Variants in PLA2G7 observed in about 807,000 individuals in gnomAD.
PLA2G7 encodes platelet-activating factor acetylhydrolase.
PLA2G7 carries 63 observed loss-of-function variants against 49.6 expected under a neutral mutation model. The observed-to-expected ratio is 1.27, with a 90% CI of 1.04 to 1.57. The LOEUF is 1.57. Ranked by LOEUF, PLA2G7 falls within the 40% of genes most tolerant of loss-of-function variation. PLA2G7 has a pLI of 0.00. For missense variants in PLA2G7, 596 were observed against 521.2 expected (o/e 1.14, Z -1.40); for synonymous variants, 193 against 169.9 (o/e 1.14, Z -1.06).
intron 7 of PLA2G7, among the ~76,000 whole-genome samples, chr6:46,710,961 C>T (rs1765000185): frequency 6.6e-6 from 1 of 152,116 alleles, no homozygotes; most frequent in Non-Finnish European, 1.5e-5. Flanking sequence ...TGGACTCAAA[C>T]ATAATAACAC....
intron 1 of PLA2G7, among the ~76,000 whole-genome samples, chr6:46,734,750 G>A (rs938476906): frequency 6.6e-6 from 1 of 151,874 alleles, no homozygotes; most frequent in Non-Finnish European, 1.5e-5. Flanking sequence ...TTGAACCCGG[G>A]AGACAGAGGT....
rs144094806 is a variant in PLA2G7, at chr6:46,727,277, G to A, written c.-34-4352C>T. On this transcript the variant is annotated intron_variant, in intron 1 of 11. Transcript: ENST00000274793. ...CTCATCAGGCATCATTTCCCTTTTC[G>A]AAACAAAAGACAACCCAAAACAATA... Among the ~76,000 whole-genome samples, 17 of 152,102 alleles carry A rather than the reference G, an allele frequency of 1.1e-4. No homozygotes were observed. The East Asian group carries it at 2.3e-3, about 21-fold the overall frequency.
At chr6:46,706,047 CTT>C (rs975394451) in intron 10 of PLA2G7, among the ~76,000 whole-genome samples, 1 of 152,180 alleles carries the variant, frequency 6.6e-6, no homozygotes, top group East Asian at 1.9e-4. Context: ...CAGACCAACT[CTT>C]TTCTCACTTT....
chr6:46,732,535 C>T (rs577129069), intron 1 of PLA2G7, among the ~76,000 whole-genome samples: 1 of 152,050 alleles, frequency 6.6e-6, no homozygotes, highest in Non-Finnish European at 1.5e-5. Context: ...GTACTCAGTA[C>T]CTGGCACTTA....
At chr6:46,717,640 T>G (rs543096623) in intron 2 of PLA2G7, among the ~76,000 whole-genome samples, 2 of 151,564 alleles carry the variant, frequency 1.3e-5, no homozygotes, top group Admixed American at 1.3e-4. Flanking sequence ...CTGGGAATCA[T>G]CCTATTCTCC....
intron 1 of PLA2G7, among the ~76,000 whole-genome samples, chr6:46,725,357 G>A (rs1456976645): frequency 4.0e-5 from 6 of 151,580 alleles, no homozygotes; most frequent in Non-Finnish European, 5.9e-5. Context: ...TCAGCCTCTC[G>A]AGTAGCTGGG....
At chr6:46,734,914 C>T (rs1765870614) in intron 1 of PLA2G7, among the ~76,000 whole-genome samples, 1 of 152,180 alleles carries the variant, frequency 6.6e-6, no homozygotes, top group Admixed American at 6.5e-5. Flanking sequence ...TGATTCTCCC[C>T]CCAGCTCTGA....
At chr6:46,722,691 G>A (rs922685806) in intron 2 of PLA2G7, 92 bp downstream of exon 2, 1 of 763,268 alleles carries the variant, frequency 1.3e-6, no homozygotes, top group Non-Finnish European at 2.4e-6. Flanking sequence ...AATAGGACTT[G>A]TTTAGATGTG....
Position 46,710,578 on chromosome 6 carries a change from T to G in PLA2G7, c.744A>C (p.Ala248=), listed in dbSNP as rs761462312. ...DIDHGKPVKN[A]LDLKFDMEQL... The stretch of plus-strand genomic sequence containing the variant: ...GTTCCATATCAAACTTTAAATCTAA[T>G]GCATTCTTCACTGGCTTTCCATGAT... Residue 248 remains alanine (A), a synonymous_variant, in exon 8 of 12, where the codon GCA becomes GCC. Transcript: ENST00000274793. 7 of 1,611,404 alleles carry G rather than the reference T, an allele frequency of 4.3e-6. No homozygotes were observed. Among genetic ancestry groups the G allele is most frequent in the Non-Finnish European group, 5.9e-6 (7 of 1,177,690 alleles).
At position 46,716,516 on chromosome 6, in the gene PLA2G7, G is replaced by GC; in HGVS notation, c.243dup (p.Arg82AlafsTer9). 3 of 1,613,552 alleles carry GC rather than the reference G, an allele frequency of 1.9e-6. No homozygotes were observed. Among genetic ancestry groups the GC allele is most frequent in the Non-Finnish European group, 1.7e-6 (2 of 1,179,574 alleles). On this transcript the variant is annotated frameshift_variant, in exon 4 of 12. Transcript: ENST00000274793. LOFTEE classifies it high-confidence loss of function. The stretch of plus-strand genomic sequence containing the variant: ...TTATCTTGGGATGGATAATATAAAC[G>GC]CAAGAAGGTGCCCTGTTAAGAAAGA...
At chr6:46,718,155 C>T (rs914786712) in intron 2 of PLA2G7, among the ~76,000 whole-genome samples, 2 of 152,200 alleles carry the variant, frequency 1.3e-5, no homozygotes, top group Admixed American at 6.5e-5. Context: ...CTGTTCTACC[C>T]ACGTTGGATC....
intron 10 of PLA2G7, among the ~76,000 whole-genome samples, chr6:46,706,577 G>A (rs1417548205): frequency 3.3e-5 from 5 of 152,366 alleles, no homozygotes; most frequent in South Asian, 2.1e-4. Flanking sequence ...GTGGCAGGCA[G>A]CAGGCCTTTA....
At chr6:46,724,931 T>C (rs907993601) in intron 1 of PLA2G7, among the ~76,000 whole-genome samples, 2 of 152,240 alleles carry the variant, frequency 1.3e-5, no homozygotes, top group African/African-American at 4.8e-5. Flanking sequence ...GCAAATACTA[T>C]ATGCCCTCTC....
At chr6:46,714,319 A>G (rs1399188388) in intron 5 of PLA2G7, 141 bp downstream of exon 5, 5 of 739,854 alleles carry the variant, frequency 6.8e-6, no homozygotes, top group Admixed American at 1.8e-5. Context: ...TGATCAATAG[A>G]CCCACAGCCA....
chr6:46,732,368 TACAC>T (rs59891486), intron 1 of PLA2G7, among the ~76,000 whole-genome samples: 40,318 of 140,742 alleles, frequency 0.29, 5,560 homozygotes, highest in South Asian at 0.48. Context: ...AACACACACA[TACAC>T]ACACACACAC....
chr6:46,710,452 A>G, intron 8 of PLA2G7, 93 bp downstream of exon 8: 2 of 821,122 alleles, frequency 2.4e-6, no homozygotes, highest in Non-Finnish European at 2.1e-6. Context: ...GCAGCCCTTT[A>G]TCATATTGTA....
chr6:46,722,739 C>T (rs200565304), intron 2 of PLA2G7, 44 bp downstream of exon 2: 20 of 1,172,070 alleles, frequency 1.7e-5, no homozygotes, highest in Middle Eastern at 1.9e-4. Flanking sequence ...TGAAGTATGG[C>T]GACAGATCAG....
intron 2 of PLA2G7, among the ~76,000 whole-genome samples, chr6:46,721,366 T>C (rs1220300114): frequency 6.6e-6 from 1 of 152,046 alleles, no homozygotes; most frequent in Non-Finnish European, 1.5e-5. Flanking sequence ...TTTTTGAACA[T>C]TTAGAATGGG....
chr6:46,711,605 G>A lies in PLA2G7; in HGVS notation c.554C>T (p.Ser185Phe). The A allele has an allele frequency of 6.2e-7, 1 of 1,613,628 alleles. No individual in the cohort carries two copies. The highest frequency in any genetic ancestry group is 2.2e-5 in the East Asian group (1 of 44,868). The change falls in exon 7 of 12, where the codon TCT (serine) becomes TTT (phenylalanine). Residue 185 changes from serine to phenylalanine, a missense_variant. Transcript: ENST00000274793. ...AAVEHRDRSA[S>F]ATYYFKDQSA... ...TTGGTCCTTGAAATAGTAAGTTGCA[G>A]ATGCAGATCTATCTCTATAATACAA...
Sources: allele counts gnomAD v4.1 joint callset (sites outside exome capture counted in the v4.1 genomes callset), GRCh38; gene constraint gnomAD v4.1.1; transcripts MANE v1.5; gene names NCBI Gene and HGNC (gene_info 2026-07-23, HGNC 2026-07-21).